KLHDC4: variants seen among roughly 807,000 people sequenced by gnomAD.
KLHDC4 encodes the protein kelch domain containing 4, also known as kelch domain-containing protein 4.
In KLHDC4, 90 loss-of-function variants were observed where a neutral mutation model predicts 62.4. That is an observed-to-expected ratio of 1.44 (90% CI 1.22 to 1.72). The LOEUF (loss-of-function observed/expected upper bound fraction) is 1.72. KLHDC4 is among the 40% of genes most tolerant of loss of function. KLHDC4 has a pLI of 0.00. For synonymous variants in KLHDC4, 386 were observed against 284.4 expected, an observed-to-expected ratio of 1.36 and a Z score of -3.59; for missense variants, 1,025 against 699.7, an observed-to-expected ratio of 1.47 and a Z score of -5.25.
At chr16:87,705,519 G>A (rs12447975), downstream of KLHDC4, among the ~76,000 whole-genome samples, 12,144 of 152,342 alleles carry the variant, frequency 0.08, 661 homozygotes, top group Admixed American at 0.18. Context: ...TGCTTTCTGT[G>A]TAAGAAAGTG....
At chr16:87,700,635 G>C (rs1425370344) in exon 1 of KLHDC4, 1 of 216,228 alleles carries the variant, frequency 4.6e-6, no homozygotes, top group African/African-American at 2.6e-5. Flanking sequence ...GGAGGAGGGA[G>C]AACGCTGGAG....
intron 4 of KLHDC4, among the ~76,000 whole-genome samples, chr16:87,752,250 G>GA (rs1196987154): frequency 9.0e-4 from 86 of 95,524 alleles, no homozygotes; most frequent in East Asian, 2.5e-3. Context: ...CCACAAAAAA[G>GA]AAAAAAAAAA....
chr16:87,743,606 G>A lies in KLHDC4; in HGVS notation c.506+5067C>T, dbSNP rs994111283. Among the ~76,000 whole-genome samples the A allele has an allele frequency of 7.2e-5, 11 of 152,108 alleles. No homozygotes were observed. The South Asian group carries it at 2.3e-3, about 32-fold the overall frequency. ...ATACAAAATATTAGCCAGGCGTGGT[G>A]GCGGGCGCCTGTAGTCCCAGCTACT... is the stretch of plus-strand genomic sequence containing the variant. On this transcript the variant is annotated intron_variant, in intron 5 of 11. Transcript: ENST00000270583.
At chr16:87,735,712 T>C (rs4843691) in intron 5 of KLHDC4, among the ~76,000 whole-genome samples, 8,770 of 152,340 alleles carry the variant, frequency 0.058, 328 homozygotes, top group East Asian at 0.16. Flanking sequence ...ACTGCTGTCA[T>C]TCCTAAATAC....
At chr16:87,761,827 G>C (rs2045938856) in intron 2 of KLHDC4, 122 bp downstream of exon 2, 2 of 955,576 alleles carry the variant, frequency 2.1e-6, no homozygotes, top group Admixed American at 4.0e-5. Flanking sequence ...ACCAAGAACA[G>C]GTTTTAATAA....
rs953702978 is a variant in KLHDC4 at position 87,748,580 on chromosome 16, C to A, written c.506+93G>T. The A allele has an allele frequency of 6.6e-6, 10 of 1,508,808 alleles. No individual in the cohort carries two copies. In the African/African-American group the frequency reaches 1.4e-4, roughly 21 times the overall value. The allele number at this position is 1,508,808 out of a possible 1,614,324, so 93.5% of individuals were successfully genotyped here. On this transcript the variant is annotated intron_variant, in intron 5 of 11. Transcript: ENST00000270583. The stretch of plus-strand genomic sequence containing the variant: ...ACTGTGACCCAAGTTCCTCTGAACC[C>A]TGGTATTCTGAGGTCTGCTCCGAGC...
chr16:87,737,335 C>T (rs1597207059), intron 5 of KLHDC4, among the ~76,000 whole-genome samples: 1 of 152,016 alleles, frequency 6.6e-6, no homozygotes, highest in East Asian at 1.9e-4. Context: ...CGCCTGTAAT[C>T]CCAGCACTTT....
At chr16:87,751,767 A>T (rs1270017738) in intron 4 of KLHDC4, among the ~76,000 whole-genome samples, 1 of 152,050 alleles carries the variant, frequency 6.6e-6, no homozygotes, top group Non-Finnish European at 1.5e-5. Context: ...TATAAAAAAT[A>T]AAGCCATTCT....
At chr16:87,744,052 G>A (rs1377767731) in intron 5 of KLHDC4, among the ~76,000 whole-genome samples, 2 of 152,106 alleles carry the variant, frequency 1.3e-5, no homozygotes, top group Non-Finnish European at 2.9e-5. Flanking sequence ...GCCGAGGGGG[G>A]CAGATCACTT....
downstream of KLHDC4, among the ~76,000 whole-genome samples, chr16:87,704,022 C>G (rs36047817): frequency 0.19 from 29,266 of 152,216 alleles, 2,910 homozygotes; most frequent in Middle Eastern, 0.24. Context: ...TGCACAAAGG[C>G]AGGCAGGCTG....
At chr16:87,740,191 C>A (rs568184441) in intron 5 of KLHDC4, among the ~76,000 whole-genome samples, 1 of 152,290 alleles carries the variant, frequency 6.6e-6, no homozygotes, top group South Asian at 2.1e-4. Context: ...CAGACCTAAC[C>A]AAACTCTGAA....
exon 1 of KLHDC4, chr16:87,698,683 C>T (rs190668968): frequency 2.0e-4 from 30 of 152,352 alleles, no homozygotes; most frequent in Admixed American, 5.9e-4. Context: ...TAAAATGCCC[C>T]GGGTCTGAGA....
At chr16:87,744,988 C>CGCA (rs10652676) in intron 5 of KLHDC4, among the ~76,000 whole-genome samples, 96,751 of 151,902 alleles carry the variant, frequency 0.64, 31,443 homozygotes, top group African/African-American at 0.78. Context: ...TGCACACACG[C>CGCA]GGTGCACACA....
chr16:87,703,697 G>C (rs934825867), downstream of KLHDC4, among the ~76,000 whole-genome samples: 2 of 152,142 alleles, frequency 1.3e-5, no homozygotes, highest in Non-Finnish European at 2.9e-5. Context: ...TGAAGGTTGA[G>C]ACAAGGAAAA....
At chr16:87,713,651 C>G (rs2036337789) in intron 8 of KLHDC4, among the ~76,000 whole-genome samples, 1 of 152,070 alleles carries the variant, frequency 6.6e-6, no homozygotes, top group South Asian at 2.1e-4. Flanking sequence ...GGAAACGCCG[C>G]CAACAGTTCA....
At chr16:87,714,682 T>C (rs761056328) in intron 7 of KLHDC4, 109 bp from the exon 8 acceptor site, 21 of 1,148,096 alleles carry the variant, frequency 1.8e-5, no homozygotes, top group Non-Finnish European at 2.6e-5. Flanking sequence ...AGGCCTTCCC[T>C]GTAGACCAGC....
intron 8 of KLHDC4, 26 bp from the exon 9 acceptor site, chr16:87,711,469 G>C (rs781108206): frequency 6.3e-7 from 1 of 1,585,704 alleles, no homozygotes; most frequent in South Asian, 1.1e-5. Flanking sequence ...AAGGAAGTGG[G>C]ATAAGAACAC....
chr16:87,709,799 C>T (rs763378014), intron 9 of KLHDC4, 132 bp from the exon 10 acceptor site: 130 of 1,120,674 alleles, frequency 1.2e-4, no homozygotes, highest in South Asian at 1.0e-3. Flanking sequence ...CCCAGGAAGG[C>T]GCCATCCCTG....
At chr16:87,707,746 C>A (rs544138689), downstream of KLHDC4, 7 of 311,024 alleles carry the variant, frequency 2.3e-5, no homozygotes, top group Admixed American at 2.6e-4. Flanking sequence ...AGCCCTGGCC[C>A]GGGGCAGAGG....
Sources: gnomAD v4.1 joint callset for allele counts (sites outside exome capture counted in the v4.1 genomes callset) on GRCh38, gnomAD v4.1.1 for gene constraint, MANE v1.5 for transcripts, NCBI Gene and HGNC (gene_info 2026-07-23, HGNC 2026-07-21) for gene names.